DCDC1: variants seen among roughly 807,000 people sequenced by gnomAD.
DCDC1 encodes doublecortin domain-containing protein 1.
Under a neutral mutation model 178.3 loss-of-function variants are expected in DCDC1, and 200 were observed. The ratio of observed to expected loss-of-function variants is 1.12; its 90% CI spans 1.00 to 1.26. DCDC1 has a LOEUF of 1.26. Among genes scored for constraint, DCDC1 ranks in the 50% most tolerant of loss-of-function variants. The pLI is 0.00. For synonymous variants in DCDC1, 690 were observed against 604.8 expected (o/e 1.14, Z -2.07); for missense variants, 1,983 against 1,749.2 (o/e 1.13, Z -2.38).
chr11:31,226,064 G>A (rs1974909911), intron 9 of DCDC1, among the ~76,000 whole-genome samples: 1 of 152,022 alleles, frequency 6.6e-6, no homozygotes, highest in African/African-American at 2.4e-5. Context: ...ACCACGCTGA[G>A]GAATGTAAGA....
At chr11:30,910,945 C>A (rs983306575) in intron 28 of DCDC1, among the ~76,000 whole-genome samples, 5 of 152,194 alleles carry the variant, frequency 3.3e-5, no homozygotes, top group African/African-American at 7.2e-5. Context: ...CCTTTATAAA[C>A]GGGAGCCTTG....
chr11:31,065,175 C>T (rs2135489266), intron 18 of DCDC1, 22 bp from the exon 19 acceptor site: 2 of 730,248 alleles, frequency 2.7e-6, no homozygotes, highest in East Asian at 4.9e-5. Context: ...GAAAAAATAA[C>T]AAGTAGTATC....
At chr11:31,126,484 C>T (rs865783548) in intron 11 of DCDC1, among the ~76,000 whole-genome samples, 3 of 151,986 alleles carry the variant, frequency 2.0e-5, no homozygotes, top group South Asian at 4.2e-4. Flanking sequence ...AAAATACACA[C>T]GGGAATGTCA....
intron 36 of DCDC1, among the ~76,000 whole-genome samples, chr11:30,892,036 T>C (rs1262191845): frequency 6.6e-6 from 1 of 152,198 alleles, no homozygotes; most frequent in African/African-American, 2.4e-5. Flanking sequence ...GACTTTCACT[T>C]GTCCCAGAAA....
chr11:31,214,840 G>A (rs866544003), intron 9 of DCDC1, among the ~76,000 whole-genome samples: 1 of 151,224 alleles, frequency 6.6e-6, no homozygotes, highest in African/African-American at 2.4e-5. Context: ...GTTAATTTAG[G>A]GTAATTTATG....
chr11:31,204,522 C>T (rs1281662012), intron 9 of DCDC1, among the ~76,000 whole-genome samples: 1 of 151,898 alleles, frequency 6.6e-6, no homozygotes, highest in Non-Finnish European at 1.5e-5. Context: ...AGATTGAAAA[C>T]TTTCATCAAA....
chr11:31,124,356 C>A (rs1430786630), intron 11 of DCDC1, among the ~76,000 whole-genome samples: 2 of 151,964 alleles, frequency 1.3e-5, no homozygotes, highest in South Asian at 2.1e-4. Flanking sequence ...AGCCATACTC[C>A]CCAAAGCAAT....
intron 12 of DCDC1, among the ~76,000 whole-genome samples, chr11:31,108,717 C>G (rs925620907): frequency 8.5e-5 from 13 of 152,276 alleles, no homozygotes; most frequent in African/African-American, 2.4e-4. Context: ...TGACAGACTG[C>G]ATTTTAGGTG....
At chr11:31,068,392 A>ATATACATAT (rs1956372447) in intron 18 of DCDC1, among the ~76,000 whole-genome samples, 2 of 152,192 alleles carry the variant, frequency 1.3e-5, no homozygotes, top group Non-Finnish European at 2.9e-5. Context: ...CTTAACAAAC[A>ATATACATAT]TATACATATT....
intron 7 of DCDC1, among the ~76,000 whole-genome samples, chr11:31,281,519 T>A (rs1241868113): frequency 6.6e-6 from 1 of 152,134 alleles, no homozygotes; most frequent in Non-Finnish European, 1.5e-5. Context: ...AATGAGCATA[T>A]GGCTTTTTCC....
At chr11:30,865,435 G>T (rs1940896723) in intron 38 of DCDC1, 103 bp from the exon 39 acceptor site, 1 of 153,108 alleles carries the variant, frequency 6.5e-6, no homozygotes. Context: ...ATGAAGTTCA[G>T]TAGAATTTGC....
At chr11:31,023,749 G>A (rs1270074236) in intron 20 of DCDC1, among the ~76,000 whole-genome samples, 1 of 151,578 alleles carries the variant, frequency 6.6e-6, no homozygotes, top group Non-Finnish European at 1.5e-5. Flanking sequence ...AACTTAGAAC[G>A]GGATATTAAC....
In DCDC1 at chr11:31,328,023, C is replaced by T. The variant is rs912755200; in HGVS notation, c.164+94G>A. On this transcript the variant is annotated intron_variant, in intron 3 of 38. Coordinates refer to ENST00000684477, the MANE Select transcript of DCDC1 (RefSeq NM_001387274.1). ...GGGATTACAGGCATGAGCCACCTGGCCCGGCCAAGACTGATTGAAAATTTA... is the reference window on the plus strand; with the variant it reads ...GGGATTACAGGCATGAGCCACCTGGTCCGGCCAAGACTGATTGAAAATTTA... 19 of 1,278,958 alleles carry T rather than the reference C, an allele frequency of 1.5e-5. No individual in the cohort carries two copies. The East Asian group carries it at 4.6e-4, about 31-fold the overall frequency. The allele number at this position is 1,278,958 out of a possible 1,614,324, so 79.2% of individuals were successfully genotyped here.
chr11:31,052,238 C>T (rs769984254), intron 20 of DCDC1, among the ~76,000 whole-genome samples: 3 of 152,024 alleles, frequency 2.0e-5, no homozygotes, highest in African/African-American at 4.8e-5. Context: ...AAAGCAACAG[C>T]GGTTAAAAGA....
At chr11:30,934,414 C>T (rs1260871901) in intron 21 of DCDC1, among the ~76,000 whole-genome samples, 1 of 152,118 alleles carries the variant, frequency 6.6e-6, no homozygotes, top group Admixed American at 6.5e-5. Context: ...GTTCCTTTTC[C>T]CACAATATCA....
intron 10 of DCDC1, 120 bp from the exon 11 acceptor site, chr11:31,127,759 C>T (rs936437191): frequency 5.1e-6 from 3 of 588,622 alleles, no homozygotes; most frequent in Admixed American, 6.1e-5. Context: ...AATTTGAGTA[C>T]AGATCTATCC....
intron 20 of DCDC1, among the ~76,000 whole-genome samples, chr11:30,981,820 T>C (rs1196078256): frequency 1.3e-5 from 2 of 152,082 alleles, no homozygotes; most frequent in Admixed American, 6.6e-5. Flanking sequence ...CTAATATCCA[T>C]CTGGGCTGGA....
At chr11:31,103,342 T>C (rs1958627221) in intron 14 of DCDC1, among the ~76,000 whole-genome samples, 2 of 152,212 alleles carry the variant, frequency 1.3e-5, no homozygotes, top group African/African-American at 4.8e-5. Context: ...TATAAATGAT[T>C]AATTTAGAAA....
intron 10 of DCDC1, among the ~76,000 whole-genome samples, chr11:31,131,816 T>C (rs1233429400): frequency 6.6e-6 from 1 of 152,206 alleles, no homozygotes; most frequent in African/African-American, 2.4e-5. Flanking sequence ...TTTCATGTAC[T>C]GCACCTTGTG....
Sources: allele counts gnomAD v4.1 joint callset (sites outside exome capture counted in the v4.1 genomes callset), GRCh38; gene constraint gnomAD v4.1.1; transcripts MANE v1.5; gene names NCBI Gene and HGNC (gene_info 2026-07-23, HGNC 2026-07-21).